The following KAT2B variants were observed in gnomAD, a reference collection of about 807,000 sequenced individuals.
KAT2B encodes the protein histone acetyltransferase KAT2B.
In KAT2B, 36 loss-of-function variants were observed where a neutral mutation model predicts 105.9. The ratio of observed to expected loss-of-function variants is 0.34; its 90% CI spans 0.26 to 0.45. The LOEUF (loss-of-function observed/expected upper bound fraction) is 0.45, where lower values mean the gene tolerates loss of function less well. KAT2B is among the 20% of genes least tolerant of loss of function. The pLI, the probability that KAT2B is intolerant of heterozygous loss-of-function variation, is 1.00. For missense variants in KAT2B, 820 were observed against 1,021.6 expected, an observed-to-expected ratio of 0.80 and a Z score of 2.69; for synonymous variants, 397 against 377.9, an observed-to-expected ratio of 1.05 and a Z score of -0.59.
At chr3:20,089,863 A>G (rs1302077728) in intron 2 of KAT2B, among the ~76,000 whole-genome samples, 1 of 152,124 alleles carries the variant, frequency 6.6e-6, no homozygotes, top group African/African-American at 2.4e-5. Flanking sequence ...ATACAGAAAC[A>G]TGGCTGGGCA....
chr3:20,043,018 A>G (rs936852518), intron 1 of KAT2B, among the ~76,000 whole-genome samples: 10 of 151,888 alleles, frequency 6.6e-5, no homozygotes, highest in Admixed American at 1.3e-4. Context: ...CTCCTACATC[A>G]GCCTCTTGAG....
chr3:20,091,438 G>T (rs1698716656), intron 2 of KAT2B, among the ~76,000 whole-genome samples: 1 of 151,774 alleles, frequency 6.6e-6, no homozygotes, highest in South Asian at 2.1e-4. Context: ...TCTTTTCAAA[G>T]AACCAACTTT....
At chr3:20,116,061 G>A (rs1699201919) in intron 7 of KAT2B, among the ~76,000 whole-genome samples, 1 of 151,728 alleles carries the variant, frequency 6.6e-6, no homozygotes, top group African/African-American at 2.4e-5. Context: ...CCAAAAACAT[G>A]TCAAAAACAT....
intron 8 of KAT2B, among the ~76,000 whole-genome samples, chr3:20,121,230 A>G (rs1181659747): frequency 6.6e-6 from 1 of 152,260 alleles, no homozygotes; most frequent in East Asian, 1.9e-4. Context: ...AATCGTCTAC[A>G]GTCAAGTTAC....
chr3:20,045,897 A>G (rs1697800866), intron 1 of KAT2B, among the ~76,000 whole-genome samples: 1 of 152,326 alleles, frequency 6.6e-6, no homozygotes, highest in South Asian at 2.1e-4. Context: ...TGTCTTGCCC[A>G]TGGCAAGCCC....
intron 1 of KAT2B, among the ~76,000 whole-genome samples, chr3:20,041,426 C>G (rs1368656716): frequency 6.6e-6 from 1 of 152,220 alleles, no homozygotes; most frequent in Non-Finnish European, 1.5e-5. Context: ...AGTTAAAACG[C>G]TGTCCCAGCT....
At chr3:20,121,726 ATGCATATGTGTGTG>A (rs1350224580) in intron 8 of KAT2B, among the ~76,000 whole-genome samples, 4 of 121,092 alleles carry the variant, frequency 3.3e-5, no homozygotes, top group African/African-American at 1.3e-4. Context: ...ACATACACAT[ATGCATATGTGTGTG>A]TGTGTGTGTG....
chr3:20,127,690 T>C, intron 11 of KAT2B, 141 bp downstream of exon 11: 1 of 766,014 alleles, frequency 1.3e-6, no homozygotes, highest in South Asian at 2.0e-5. Context: ...AATAGTCCTC[T>C]CACTCCAATG....
intron 3 of KAT2B, among the ~76,000 whole-genome samples, chr3:20,098,783 G>T (rs1467880606): frequency 6.6e-6 from 1 of 152,098 alleles, no homozygotes; most frequent in African/African-American, 2.4e-5. Context: ...ATAAAGATGG[G>T]CATAATACTT....
In KAT2B at chr3:20,065,813, T is replaced by G. The variant is rs572612719; in HGVS notation, c.304-6520T>G. ...ACTTAGGGATGCTGAGACTATTCTA[T>G]GCTTAAACTGTTAGGGTCCATAGTG... On this transcript the variant is annotated intron_variant, in intron 1 of 17. Coordinates refer to ENST00000263754, the MANE Select transcript of KAT2B (RefSeq NM_003884.5). Among the ~76,000 whole-genome samples the G allele has an allele frequency of 3.9e-5, 6 of 152,290 alleles. No homozygotes were observed. In the South Asian group the frequency reaches 1.2e-3, roughly 32 times the overall value.
At position 20,111,767 on chromosome 3, in the gene KAT2B, A is replaced by G; in HGVS notation, c.1023A>G (p.Leu341=). 1 of 1,613,172 alleles carries G rather than the reference A, an allele frequency of 6.2e-7. No individual in the cohort carries two copies. The highest frequency in any genetic ancestry group is 2.2e-5 in the East Asian group (1 of 44,864). Reference sequence around the variant, plus strand: ...AACTGCCTCTTGAAAAACGAACTCTAATCCTCACTCATTTCCCAAAGTAAG... The same window carrying G: ...AACTGCCTCTTGAAAAACGAACTCTGATCCTCACTCATTTCCCAAAGTAAG... The part of the protein sequence containing the change: ...KDKLPLEKRT[L]ILTHFPKFLS... The change falls in exon 6 of 18, where the codon CTA becomes CTG. Residue 341 remains leucine, a synonymous_variant. Transcript: ENST00000263754.
chr3:20,044,114 G>A (rs901526066), intron 1 of KAT2B, among the ~76,000 whole-genome samples: 1 of 151,792 alleles, frequency 6.6e-6, no homozygotes, highest in Admixed American at 6.6e-5. Flanking sequence ...AACTTGTTTC[G>A]CAGGATCCAG....
chr3:20,079,111 C>T (rs189316120), intron 2 of KAT2B, among the ~76,000 whole-genome samples: 2 of 150,800 alleles, frequency 1.3e-5, no homozygotes, highest in Admixed American at 6.6e-5. Context: ...AAGTTAGCCA[C>T]GCTGGTCTCA....
intron 3 of KAT2B, among the ~76,000 whole-genome samples, chr3:20,096,094 A>G (rs1265126439): frequency 6.6e-6 from 1 of 152,024 alleles, no homozygotes; most frequent in Non-Finnish European, 1.5e-5. Context: ...AGCGTGGTGG[A>G]GCCCAGCGAG....
chr3:20,051,883 ATGGGGTGTT>A (rs1437587918), intron 1 of KAT2B, among the ~76,000 whole-genome samples: 3 of 152,270 alleles, frequency 2.0e-5, no homozygotes, highest in Non-Finnish European at 4.4e-5. Flanking sequence ...GTTTGCACAC[ATGGGGTGTT>A]ATATCTATTG....
In KAT2B at chr3:20,101,401, G is replaced by T. The variant is rs749809492; in HGVS notation, c.784G>T (p.Ala262Ser). Reference sequence around the variant, plus strand: ...CCGCATCAACTATTGGCATCTGGAGGCACCATCTCAACGAAGACTGCGATC... The same window carrying T: ...CCGCATCAACTATTGGCATCTGGAGTCACCATCTCAACGAAGACTGCGATC... ...LNRINYWHLEAPSQRRLRSPN... is the reference protein window; with the variant it reads ...LNRINYWHLESPSQRRLRSPN... The change falls in exon 5 of 18, where the codon GCA becomes TCA. Residue 262 changes from alanine (A) to serine (S), a missense_variant. Transcript: ENST00000263754. 8.1e-6 allele frequency: 13 copies of T among 1,613,890 alleles called. No individual in the cohort carries two copies. Among genetic ancestry groups the T allele is most frequent in the Non-Finnish European group, 1.0e-5 (12 of 1,179,908 alleles).
Position 20,111,675 on chromosome 3 carries a change from T to C in KAT2B, c.931T>C (p.Leu311=). 1 of 1,614,072 alleles carries C rather than the reference T, an allele frequency of 6.2e-7. No homozygotes were observed. Among genetic ancestry groups the C allele is most frequent in the Non-Finnish European group, 8.5e-7 (1 of 1,179,968 alleles). Residue 311 remains leucine (L), a synonymous_variant, in exon 6 of 18, where the codon TTG becomes CTG. Transcript: ENST00000263754. ...AACCACACAGGTGTTTGGGAGAACA[T>C]TGCTTCGCTCGGTCTTCACTGTTAT... ...YETTQVFGRT[L]LRSVFTVMRR... is the part of the protein sequence containing the mutation.
At chr3:20,089,484 T>C (rs894485783) in intron 2 of KAT2B, among the ~76,000 whole-genome samples, 5 of 148,694 alleles carry the variant, frequency 3.4e-5, no homozygotes, top group Non-Finnish European at 7.4e-5. Context: ...CACTGCAACC[T>C]CTGCCTCCCA....
At chr3:20,139,456 C>G (rs1166558326) in intron 12 of KAT2B, among the ~76,000 whole-genome samples, 1 of 152,052 alleles carries the variant, frequency 6.6e-6, no homozygotes, top group Non-Finnish European at 1.5e-5. Flanking sequence ...AATGACTTGT[C>G]TGTAGTCCTC....
Sources: gnomAD v4.1 joint callset for allele counts (sites outside exome capture counted in the v4.1 genomes callset) on GRCh38, gnomAD v4.1.1 for gene constraint, MANE v1.5 for transcripts, NCBI Gene and HGNC (gene_info 2026-07-23, HGNC 2026-07-21) for gene names.